The following TPRKB variants were observed in gnomAD, a reference collection of about 807,000 sequenced individuals.
TPRKB encodes the protein EKC/KEOPS complex subunit TPRKB.
A neutral mutation model predicts 17.8 loss-of-function variants in TPRKB; 11 were observed. That is an observed-to-expected ratio of 0.62 (90% CI 0.39 to 1.02). The LOEUF (loss-of-function observed/expected upper bound fraction) is 1.02, where lower values mean the gene tolerates loss of function less well. TPRKB is among the 50% of genes least tolerant of loss of function. TPRKB has a pLI of 0.00. For synonymous variants in TPRKB, 71 were observed against 69.5 expected, an observed-to-expected ratio of 1.02 and a Z score of -0.11; for missense variants, 228 against 198.0, an observed-to-expected ratio of 1.15 and a Z score of -0.91.
chr2:73,733,909 C>T (rs1490504378), intron 2 of TPRKB, among the ~76,000 whole-genome samples: 2 of 150,482 alleles, frequency 1.3e-5, no homozygotes, highest in African/African-American at 2.5e-5. Context: ...CCTCTGCCTC[C>T]CAGGCTCAAG....
Position 73,729,972 on chromosome 2 carries a change from A to G in TPRKB, c.499T>C (p.Cys167Arg). The G allele has an allele frequency of 6.3e-7, 1 of 1,574,814 alleles. No individual in the cohort carries two copies. Among genetic ancestry groups the G allele is most frequent in the Non-Finnish European group, 8.6e-7 (1 of 1,157,088 alleles). ...AAAACATCTTTTGTTGACATTCTAC[A>G]AATGATAGCATCCAATAATGTCCCA... Reference protein sequence around the residue: ...SIGTLLDAIICRMSTKDVL With the variant: ...SIGTLLDAIIRRMSTKDVL The change falls in exon 5 of 5, where the codon TGT becomes CGT. Residue 167 changes from cysteine to arginine, a missense_variant. Transcript: ENST00000272424.
At chr2:73,737,211 C>G (rs1399306209) in intron 1 of TPRKB, 91 bp downstream of exon 1, 1 of 152,264 alleles carries the variant, frequency 6.6e-6, no homozygotes, top group Non-Finnish European at 1.5e-5. Flanking sequence ...TTGAGAAATA[C>G]CAACCGCAGC....
intron 1 of TPRKB, 21 bp from the exon 2 acceptor site, chr2:73,734,612 C>T: frequency 3.3e-6 from 5 of 1,529,390 alleles, no homozygotes; most frequent in Non-Finnish European, 3.5e-6. Context: ...AATGAAAAGA[C>T]CAAAAGATTT....
chr2:73,731,945 T>C (rs1405200211), intron 3 of TPRKB: 1 of 440,774 alleles, frequency 2.3e-6, no homozygotes, highest in African/African-American at 2.0e-5. Flanking sequence ...ACAGATAAAA[T>C]TAACCTCGCT....
At chr2:73,734,124 G>C (rs1457808858) in intron 2 of TPRKB, among the ~76,000 whole-genome samples, 1 of 135,016 alleles carries the variant, frequency 7.4e-6, no homozygotes, top group Non-Finnish European at 1.6e-5. Flanking sequence ...TTTCCAGACA[G>C]AGTTTTGCTC....
chr2:73,735,346 A>T (rs1671829453), intron 1 of TPRKB, among the ~76,000 whole-genome samples: 1 of 151,794 alleles, frequency 6.6e-6, no homozygotes, highest in African/African-American at 2.4e-5. Context: ...AAAAAAAAAG[A>T]ATAGGGGGAA....
chr2:73,735,032 TTAAAGAA>T (rs1372512193), intron 1 of TPRKB, among the ~76,000 whole-genome samples: 1 of 152,134 alleles, frequency 6.6e-6, no homozygotes, highest in Non-Finnish European at 1.5e-5. Context: ...GAAAATAATT[TTAAAGAA>T]TAAAGTAGGC....
At chr2:73,731,138 C>T (rs1671593642) in intron 3 of TPRKB, 1 of 156,822 alleles carries the variant, frequency 6.4e-6, no homozygotes, top group Non-Finnish European at 1.4e-5. Context: ...CTCCTCATGG[C>T]TTGGCTGCTG....
Position 73,734,599 on chromosome 2 carries a change from C to T in TPRKB, c.-22-8G>A. On this transcript the variant is annotated splice_region_variant and splice_polypyrimidine_tract_variant and intron_variant, in intron 1 of 4. Coordinates refer to ENST00000272424, the MANE Select transcript of TPRKB (RefSeq NM_016058.5). The stretch of plus-strand genomic sequence containing the variant: ...CAGATAAGCAGGATTCTACTGCACA[C>T]AAAATGAAAAGACCAAAAGATTTCA... 6.4e-7 allele frequency: 1 copy of T among 1,557,318 alleles called. No individual in the cohort carries two copies. Among genetic ancestry groups the T allele is most frequent in the South Asian group, 1.2e-5 (1 of 82,542 alleles).
In TPRKB at chr2:73,737,309, C is replaced by G. The variant is rs994711243; in HGVS notation, c.-30G>C. 6.6e-6 allele frequency: 1 copy of G among 152,264 alleles called. No homozygotes were observed. Among genetic ancestry groups the G allele is most frequent in the Non-Finnish European group, 1.5e-5 (1 of 68,084 alleles). 9.4% of individuals were successfully genotyped at this position (152,264 alleles called of 1,614,324 possible). A position where few individuals can be genotyped will look rare whatever the true frequency, so the allele number is the denominator to read the frequency against. On this transcript the variant is annotated 5_prime_UTR_variant, in exon 1 of 5. Transcript: ENST00000272424. The stretch of plus-strand genomic sequence containing the variant: ...AGCGCAAGGAAAACTCACCATCCGG[C>G]CCCCAGTGCGTCTCGGAAGAGCTCC...
chr2:73,729,997 A>G lies in TPRKB; in HGVS notation c.474T>C (p.Ile158=), dbSNP rs7210. 1,001,457 of 1,566,616 alleles carry G rather than the reference A, an allele frequency of 0.64. 324,466 individuals carry two copies. Among genetic ancestry groups the G allele is most frequent in the East Asian group, 0.68 (29,820 of 43,656 alleles). ...AAATGATAGCATCCAATAATGTCCC[A>G]ATACTTTCTTCTTGTGAAGAGAGTT... ...IYKLSSQEES[I]GTLLDAIICR... Residue 158 remains isoleucine (I), a synonymous_variant, in exon 5 of 5, where the codon ATT becomes ATC. Transcript: ENST00000272424.
Position 73,732,299 on chromosome 2 carries a change from G to A in TPRKB, c.142-14C>T. 1 of 1,606,618 alleles carries A rather than the reference G, an allele frequency of 6.2e-7. No individual in the cohort carries two copies. The highest frequency in any genetic ancestry group is 8.5e-7 in the Non-Finnish European group (1 of 1,177,838). On this transcript the variant is annotated splice_polypyrimidine_tract_variant and intron_variant, in intron 2 of 4. Coordinates refer to ENST00000272424, the MANE Select transcript of TPRKB (RefSeq NM_016058.5). ...TGGATCAACAATCTACCAAAGCAAG[G>A]AAAAAGAATTAATTACACATGGAGA...
intron 1 of TPRKB, among the ~76,000 whole-genome samples, chr2:73,735,087 G>C (rs1671816707): frequency 6.6e-6 from 1 of 152,140 alleles, no homozygotes; most frequent in South Asian, 2.1e-4. Flanking sequence ...TCAGCACTCT[G>C]GGAGGCCGAG....
At chr2:73,735,873 CCT>C (rs1671853961) in intron 1 of TPRKB, among the ~76,000 whole-genome samples, 2 of 152,236 alleles carry the variant, frequency 1.3e-5, no homozygotes, top group African/African-American at 4.8e-5. Context: ...ATAAGATGTT[CCT>C]CTCATTATTT....
At chr2:73,733,335 T>C (rs1671722709) in intron 2 of TPRKB, among the ~76,000 whole-genome samples, 1 of 146,680 alleles carries the variant, frequency 6.8e-6, no homozygotes, top group Non-Finnish European at 1.5e-5. Flanking sequence ...CTCAATTCAC[T>C]GTAACCTCCG....
At chr2:73,737,112 G>A (rs1671927643) in intron 1 of TPRKB, among the ~76,000 whole-genome samples, 190 bp downstream of exon 1, 1 of 152,174 alleles carries the variant, frequency 6.6e-6, no homozygotes, top group South Asian at 2.1e-4. Flanking sequence ...CCTATCCGCT[G>A]CATGTCTCCT....
intron 2 of TPRKB, 103 bp from the exon 3 acceptor site, chr2:73,732,388 C>A: frequency 7.9e-7 from 1 of 1,265,108 alleles, no homozygotes; most frequent in Non-Finnish European, 1.1e-6. Context: ...TGTTTTACTT[C>A]ATCACAATTC....
chr2:73,730,549 G>T lies in TPRKB; in HGVS notation c.441+11C>A. The T allele has an allele frequency of 1.3e-6, 2 of 1,559,880 alleles. No homozygotes were observed. Among genetic ancestry groups the T allele is most frequent in the South Asian group, 1.2e-5 (1 of 82,094 alleles). ...CTATCACACTCTTTCTAAAAATATG[G>T]ACTGGCAAACCTTTTTGACTTCTGT... On this transcript the variant is annotated intron_variant, in intron 4 of 4. Coordinates refer to ENST00000272424, the MANE Select transcript of TPRKB (RefSeq NM_016058.5).
chr2:73,735,957 CAT>C (rs760469371), intron 1 of TPRKB, among the ~76,000 whole-genome samples: 8 of 152,152 alleles, frequency 5.3e-5, no homozygotes, highest in African/African-American at 9.7e-5. Context: ...ACCATTAAAA[CAT>C]GTGGTCTTGA....
Sources: gnomAD v4.1 joint callset for allele counts (sites outside exome capture counted in the v4.1 genomes callset) on GRCh38, gnomAD v4.1.1 for gene constraint, MANE v1.5 for transcripts, NCBI Gene and HGNC (gene_info 2026-07-23, HGNC 2026-07-21) for gene names.